MYH9: variants seen among roughly 807,000 people sequenced by gnomAD.
MYH9 encodes myosin-9.
In MYH9, 29 loss-of-function variants were observed where a neutral mutation model predicts 241.9. The observed-to-expected ratio is 0.12, with a 90% confidence interval of 0.09 to 0.16. The LOEUF is 0.16. Among genes scored for constraint, MYH9 ranks in the 10% least tolerant of loss-of-function variants. The pLI, the probability that MYH9 is intolerant of heterozygous loss-of-function variation, is 1.00. For synonymous variants in MYH9, 1,047 were observed against 1,062.6 expected (o/e 0.99, Z 0.29); for missense variants, 1,803 against 2,595.5 (o/e 0.69, Z 6.63).
rs1408801802 is a variant in MYH9 at position 36,296,891 on chromosome 22, T to C, written c.3224A>G (p.Lys1075Arg). Reference sequence around the variant, plus strand: ...CTCCTCTTTCTTGGCCAGCTGCATCTTGAGCTCCGCGATCTGGGCCTGGAG... The same window carrying C: ...CTCCTCTTTCTTGGCCAGCTGCATCCTGAGCTCCGCGATCTGGGCCTGGAG... ...AELQAQIAEL[K>R]MQLAKKEEEL... Residue 1075 changes from lysine to arginine, a missense_variant, in exon 25 of 41, where the codon AAG becomes AGG. Physicochemically the swap from Lys to Arg is conservative, Grantham distance 26 (BLOSUM62 2). This residue lies in a region of MYH9 where 290 missense variants were observed against 360.5 expected (regional missense o/e 0.80). Coordinates refer to ENST00000216181, the MANE Select transcript of MYH9 (RefSeq NM_002473.6). 6.2e-7 allele frequency: 1 copy of C among 1,613,498 alleles called. No homozygotes were observed. Among genetic ancestry groups the C allele is most frequent in the Non-Finnish European group, 8.5e-7 (1 of 1,179,798 alleles).
At chr22:36,318,629 G>A (rs1034837787) in intron 10 of MYH9, among the ~76,000 whole-genome samples, 5 of 152,166 alleles carry the variant, frequency 3.3e-5, no homozygotes, top group African/African-American at 4.8e-5. Flanking sequence ...AGGCCACAGC[G>A]GCAGCAGTGG....
At chr22:36,322,394 T>C (rs1310555708) in intron 6 of MYH9, 35 bp downstream of exon 6, 3 of 1,607,642 alleles carry the variant, frequency 1.9e-6, no homozygotes, top group Admixed American at 1.7e-5. Flanking sequence ...CAAGGCCCTC[T>C]GTCCCCAGAG....
intron 3 of MYH9, among the ~76,000 whole-genome samples, chr22:36,339,872 T>G (rs1474470938): frequency 6.6e-5 from 10 of 152,122 alleles, no homozygotes; most frequent in Admixed American, 6.5e-5. Flanking sequence ...CCTGTCTGTA[T>G]CTAGGAGAGA....
chr22:36,301,547 G>A lies in MYH9; in HGVS notation c.2618C>T (p.Thr873Met), dbSNP rs763516009. 1.4e-5 allele frequency: 23 copies of A among 1,613,522 alleles called. No homozygotes were observed. In the Admixed American group the frequency reaches 1.5e-4, roughly 11 times the overall value. Residue 873 changes from threonine (T) to methionine (M), a missense_variant, in exon 21 of 41, where the codon ACG becomes ATG. Thr to Met is a moderately conservative substitution (Grantham distance 81, BLOSUM62 -1). Transcript: ENST00000216181. ...AAENRLTEMETLQSQLMAEKL... is the reference protein window; with the variant it reads ...AAENRLTEMEMLQSQLMAEKL... ...ACTGACACCCACCTGAGACTGCAGC[G>A]TCTCCATCTCCGTGAGCCTGTTCTC...
intron 1 of MYH9, among the ~76,000 whole-genome samples, chr22:36,353,874 G>A (rs967933652): frequency 7.2e-5 from 11 of 152,046 alleles, no homozygotes; most frequent in African/African-American, 2.7e-4. Flanking sequence ...TACTTACTGT[G>A]ACTATTTTCC....
At chr22:36,319,674 G>T in intron 9 of MYH9, 39 bp from the exon 10 acceptor site, 1 of 1,598,086 alleles carries the variant, frequency 6.3e-7, no homozygotes, top group Non-Finnish European at 8.6e-7. Context: ...AGCAGACATG[G>T]GTCATGGTGA....
intron 5 of MYH9, chr22:36,325,186 G>C: frequency 2.8e-6 from 2 of 712,330 alleles, no homozygotes; most frequent in Non-Finnish European, 5.2e-6. Flanking sequence ...GAGAGACAGA[G>C]AGGGAGACAG....
chr22:36,317,774 G>A lies in MYH9; in HGVS notation c.1227+433C>T, dbSNP rs865955412. On this transcript the variant is annotated intron_variant, in intron 11 of 40. Transcript: ENST00000216181. ...CGCTGCTGCTCGTCTCTCAGCACAC[G>A]TGGCAAGCCCAAGGCAGCAGGTGGT... 1.3e-4 allele frequency among the ~76,000 whole-genome samples: 20 copies of A among 152,374 alleles called. No individual in the cohort carries two copies. The Middle Eastern group carries it at 0.01, about 78-fold the overall frequency.
At position 36,288,673 on chromosome 22, in the gene MYH9, C is replaced by A. The variant is rs570599138; in HGVS notation, c.4770+54G>T. ...GGTGGAAGGAGAGAACAGAAGCCTG[C>A]GTGAAGCCAAGGCAGCCTTGGGCAC... On this transcript the variant is annotated intron_variant, in intron 33 of 40. Coordinates refer to ENST00000216181, the MANE Select transcript of MYH9 (RefSeq NM_002473.6). The surrounding 1 kb of genome is among the most constrained non-coding windows in gnomAD (Gnocchi z 4.8). 8 of 1,586,708 alleles carry A rather than the reference C, an allele frequency of 5.0e-6. No individual in the cohort carries two copies. The highest frequency in any genetic ancestry group is 1.3e-5 in the African/African-American group (1 of 74,714).
Position 36,325,182 on chromosome 22 carries a change from C to T in MYH9, c.612+1386G>A. The T allele has an allele frequency of 5.5e-6, 4 of 721,530 alleles. No individual in the cohort carries two copies. The South Asian group carries it at 6.0e-5, about 11-fold the overall frequency. 44.7% of individuals were successfully genotyped at this position (721,530 alleles called of 1,614,324 possible). On this transcript the variant is annotated intron_variant, in intron 5 of 40. Transcript: ENST00000216181. ...AGAGAGGGATGGAGAGAGAGAGAGA[C>T]AGAGAGGGAGACAGAAGAAAAGAAA...
Position 36,309,379 on chromosome 22 carries a change from G to A in MYH9, c.1746C>T (p.Asp582=), listed in dbSNP as rs781414941. ...HYAGKVDYKA[D]EWLMKNMDPL... ...GATCCATGTTCTTCATCAGCCACTC[G>A]TCAGCTTTGTAATCCACCTGGCGGG... The change falls in exon 15 of 41, where the codon GAC becomes GAT. Residue 582 remains aspartate (D), a synonymous_variant. Transcript: ENST00000216181. The A allele has an allele frequency of 6.8e-6, 11 of 1,614,000 alleles. No homozygotes were observed. The highest frequency in any genetic ancestry group is 2.7e-5 in the African/African-American group (2 of 74,922).
intron 31 of MYH9, among the ~76,000 whole-genome samples, chr22:36,289,742 C>T (rs1250185797): frequency 6.6e-6 from 1 of 152,178 alleles, no homozygotes; most frequent in Non-Finnish European, 1.5e-5. Flanking sequence ...CCCCTGGCAT[C>T]TGTTCTCTGT....
Position 36,306,129 on chromosome 22 carries a change from A to T in MYH9, c.2038-78T>A, listed in dbSNP as rs1182582023. ...GAGAATAGTCAGGGAACCCCTATGA[A>T]CCTGACAGGGCAAGAGCCTAAGGGA... On this transcript the variant is annotated intron_variant, in intron 16 of 40. Transcript: ENST00000216181. The surrounding 1 kb of genome is among the most constrained non-coding windows in gnomAD (Gnocchi z 4.1). 1 of 1,595,986 alleles carries T rather than the reference A, an allele frequency of 6.3e-7. No individual in the cohort carries two copies. The highest frequency in any genetic ancestry group is 8.5e-7 in the Non-Finnish European group (1 of 1,172,712).
chr22:36,295,460 C>G lies in MYH9; in HGVS notation c.3485+45G>C, dbSNP rs780734940. The G allele has an allele frequency of 6.4e-7, 1 of 1,559,726 alleles. No homozygotes were observed. The highest frequency in any genetic ancestry group is 1.7e-5 in the Admixed American group (1 of 59,214). ...GTCCATGTCTCCAAGCCAAGGCCCCCCTGGCTGCCCTCCCCATCCCGAGGG... is the reference window on the plus strand; with the variant it reads ...GTCCATGTCTCCAAGCCAAGGCCCCGCTGGCTGCCCTCCCCATCCCGAGGG... On this transcript the variant is annotated intron_variant, in intron 26 of 40. Coordinates refer to ENST00000216181, the MANE Select transcript of MYH9 (RefSeq NM_002473.6). The surrounding 1 kb of genome is among the most constrained non-coding windows in gnomAD (Gnocchi z 4.1).
chr22:36,311,153 T>C (rs1189194088), intron 14 of MYH9, among the ~76,000 whole-genome samples: 20 of 152,204 alleles, frequency 1.3e-4, no homozygotes, highest in African/African-American at 4.8e-4. Context: ...AATTAACTGT[T>C]AGGGTCTTTG....
Position 36,295,934 on chromosome 22 carries a change from T to C in MYH9, c.3273-217A>G, listed in dbSNP as rs1252622469. 6.6e-6 allele frequency among the ~76,000 whole-genome samples: 1 copy of C among 152,198 alleles called. No individual in the cohort carries two copies. Among genetic ancestry groups the C allele is most frequent in the Non-Finnish European group, 1.5e-5 (1 of 68,044 alleles). On this transcript the variant is annotated intron_variant, in intron 25 of 40. Transcript: ENST00000216181. The surrounding 1 kb of genome is among the most constrained non-coding windows in gnomAD (Gnocchi z 4.1). ...CAGAAAACCTCATAGAGGAATCGTT[T>C]CAATTTCCAAAGTAAGATTCACTGC...
intron 1 of MYH9, among the ~76,000 whole-genome samples, chr22:36,362,294 G>T (rs998591914): frequency 6.6e-6 from 1 of 152,112 alleles, no homozygotes. Context: ...AGCCTGGCTC[G>T]AGGAGAGTCC....
At chr22:36,303,057 G>A (rs2016908251) in intron 19 of MYH9, among the ~76,000 whole-genome samples, 2 of 152,172 alleles carry the variant, frequency 1.3e-5, no homozygotes, top group South Asian at 4.1e-4. Context: ...CCTTCGTGCT[G>A]TTCCCTATCT....
chr22:36,296,807 G>C (rs1452014982), intron 25 of MYH9, 36 bp downstream of exon 25: 1 of 1,578,618 alleles, frequency 6.3e-7, no homozygotes, highest in African/African-American at 1.3e-5. Context: ...GCTGGCCCAG[G>C]CCACCTGGCC....
Sources: allele counts gnomAD v4.1 joint callset (sites outside exome capture counted in the v4.1 genomes callset), GRCh38; gene constraint gnomAD v4.1.1; regional missense constraint gnomAD v4.1.1; non-coding constraint Gnocchi (gnomAD v3.1); transcripts MANE v1.5; gene names NCBI Gene and HGNC (gene_info 2026-07-23, HGNC 2026-07-21).